Variants in PHC2 observed in about 807,000 individuals in gnomAD.
PHC2 encodes polyhomeotic-like protein 2.
PHC2 carries 29 observed loss-of-function variants against 87.4 expected under a neutral mutation model. That is an observed-to-expected ratio of 0.33 (90% CI 0.25 to 0.45). The LOEUF is 0.45. Ranked by LOEUF, PHC2 falls within the 20% of genes least tolerant of loss-of-function variation. PHC2 has a pLI of 1.00. For synonymous variants in PHC2, 438 were observed against 461.7 expected (o/e 0.95, Z 0.66); for missense variants, 857 against 1,136.7 (o/e 0.75, Z 3.54).
intron 1 of PHC2, among the ~76,000 whole-genome samples, chr1:33,416,038 A>G (rs1184325832): frequency 6.6e-6 from 1 of 152,188 alleles, no homozygotes; most frequent in Non-Finnish European, 1.5e-5. Context: ...GCAATCTAAT[A>G]TTCATGAAAT....
intron 1 of PHC2, among the ~76,000 whole-genome samples, chr1:33,390,670 A>G (rs1204581075): frequency 6.9e-6 from 1 of 144,582 alleles, no homozygotes; most frequent in Admixed American, 6.9e-5. Context: ...GCACATAAAT[A>G]TAACAGGAGT....
chr1:33,425,431 C>A (rs1260748453), intron 1 of PHC2, among the ~76,000 whole-genome samples: 1 of 152,116 alleles, frequency 6.6e-6, no homozygotes, highest in Non-Finnish European at 1.5e-5. Flanking sequence ...TTTTAACAAC[C>A]ATTTACTGAG....
At chr1:33,387,314 C>A (rs1209542511) in intron 1 of PHC2, among the ~76,000 whole-genome samples, 1 of 152,164 alleles carries the variant, frequency 6.6e-6, no homozygotes, top group Non-Finnish European at 1.5e-5. Flanking sequence ...ATGCTCCCCC[C>A]AGAGCTTCTT....
rs867012853 is a variant in PHC2, at chr1:33,364,414, A to G, written c.976+2702T>C. ...TTCACACACACACACACACACACACACACACACACACGCTCAAGCACGCTC... is the reference window on the plus strand; with the variant it reads ...TTCACACACACACACACACACACACGCACACACACACGCTCAAGCACGCTC... On this transcript the variant is annotated intron_variant, in intron 7 of 14. Coordinates refer to ENST00000683057, the MANE Select transcript of PHC2 (RefSeq NM_001385109.1). The surrounding 1 kb of genome is among the most constrained non-coding windows in gnomAD (Gnocchi z 4.1). 5.7e-5 allele frequency among the ~76,000 whole-genome samples: 6 copies of G among 105,624 alleles called. No homozygotes were observed. The highest frequency in any genetic ancestry group is 3.4e-4 in the South Asian group (1 of 2,968). The allele number at this position is 105,624 out of a possible 152,430, so 69.3% of individuals were successfully genotyped here. A position where few individuals can be genotyped will look rare whatever the true frequency, so the allele number is the denominator to read the frequency against.
Position 33,334,197 on chromosome 1 carries a change from C to T in PHC2, c.1654G>A (p.Ala552Thr). Reference sequence around the variant, plus strand: ...GGTTTATTCTCACCATTCTGGGGGGCAGTGCCGGCGATGCTGGAGGCAGAG... The same window carrying T: ...GGTTTATTCTCACCATTCTGGGGGGTAGTGCCGGCGATGCTGGAGGCAGAG... The part of the protein sequence containing the change: ...GNSASSIAGT[A>T]PQNGENKPPQ... Residue 552 changes from alanine to threonine, a missense_variant, in exon 10 of 15, where the codon GCC (alanine) becomes ACC (threonine). This residue lies in a region of PHC2 where 832 missense variants were observed against 1,081.8 expected (regional missense o/e 0.77). Transcript: ENST00000683057. This position sits in a 1 kb window ranked among gnomAD's most constrained non-coding sequence, Gnocchi z 5.5. The T allele has an allele frequency of 6.2e-7, 1 of 1,612,694 alleles. No individual in the cohort carries two copies. The highest frequency in any genetic ancestry group is 8.5e-7 in the Non-Finnish European group (1 of 1,179,628).
intron 7 of PHC2, among the ~76,000 whole-genome samples, chr1:33,360,780 G>T (rs1647181160): frequency 6.6e-6 from 1 of 152,244 alleles, no homozygotes; most frequent in African/African-American, 2.4e-5. Context: ...AGCAAGAGCT[G>T]AGAGTAGTTT....
At chr1:33,381,865 A>T (rs577915145) in intron 1 of PHC2, among the ~76,000 whole-genome samples, 9 of 152,222 alleles carry the variant, frequency 5.9e-5, no homozygotes, top group African/African-American at 2.2e-4. Context: ...GAGAAATCAA[A>T]AATTACCATA....
At chr1:33,325,043 G>T (rs1557813804) in intron 14 of PHC2, 24 bp from the exon 15 acceptor site, 1 of 1,583,894 alleles carries the variant, frequency 6.3e-7, no homozygotes, top group Non-Finnish European at 8.6e-7. Context: ...ACCAAAGACA[G>T]TGTCAATCCA....
intron 1 of PHC2, among the ~76,000 whole-genome samples, chr1:33,385,673 G>T (rs1244865998): frequency 2.0e-5 from 3 of 152,168 alleles, no homozygotes; most frequent in Non-Finnish European, 4.4e-5. Flanking sequence ...GTTAGATTTT[G>T]AGACCGGCTG....
Position 33,415,460 on chromosome 1 carries a change from C to T in PHC2, c.-55+15516G>A, listed in dbSNP as rs190874784. On this transcript the variant is annotated intron_variant, in intron 1 of 14. Transcript: ENST00000683057. ...GTTCTAGACCAACGGCTGCTCTGGA[C>T]CCACCATAATAAAGCTTAGAAGCAA... Among the ~76,000 whole-genome samples the T allele has an allele frequency of 3.3e-5, 5 of 152,200 alleles. No homozygotes were observed. The South Asian group carries it at 6.2e-4, about 19-fold the overall frequency.
At position 33,343,814 on chromosome 1, in the gene PHC2, A is replaced by G. The variant is rs573033008; in HGVS notation, c.1559-9522T>C. Among the ~76,000 whole-genome samples the G allele has an allele frequency of 1.2e-4, 18 of 152,342 alleles. No individual in the cohort carries two copies. The East Asian group carries it at 1.9e-3, about 16-fold the overall frequency. On this transcript the variant is annotated intron_variant, in intron 9 of 14. Coordinates refer to ENST00000683057, the MANE Select transcript of PHC2 (RefSeq NM_001385109.1). ...TTGTGTTCCTCAGACGTCTTGGTCT[A>G]CGTCGGTAGTCCTGTCCTTGCACTG...
intron 1 of PHC2, among the ~76,000 whole-genome samples, chr1:33,418,743 A>G (rs1175451968): frequency 1.3e-5 from 2 of 152,236 alleles, no homozygotes; most frequent in Non-Finnish European, 2.9e-5. Context: ...TCATTTCATG[A>G]GGCCAGAATT....
At chr1:33,330,037 G>A (rs754009417) in intron 13 of PHC2, 34 bp downstream of exon 13, 1 of 1,608,574 alleles carries the variant, frequency 6.2e-7, no homozygotes, top group Non-Finnish European at 8.5e-7. Context: ...TGGGGACTGT[G>A]GGGATGGAGC....
chr1:33,406,169 T>C (rs1260142293), intron 1 of PHC2, among the ~76,000 whole-genome samples: 1 of 152,182 alleles, frequency 6.6e-6, no homozygotes. Flanking sequence ...TTTGAGGTCA[T>C]TTTATTTGAT....
At chr1:33,330,342 T>G in intron 12 of PHC2, 130 bp from the exon 13 acceptor site, 2 of 912,480 alleles carry the variant, frequency 2.2e-6, no homozygotes, top group East Asian at 4.9e-5. Context: ...ACTCCATCAC[T>G]AACTACTAGC....
chr1:33,387,310 C>T (rs181178677), intron 1 of PHC2, among the ~76,000 whole-genome samples: 1 of 152,242 alleles, frequency 6.6e-6, no homozygotes, highest in African/African-American at 2.4e-5. Flanking sequence ...GAGCATGCTC[C>T]CCCCAGAGCT....
chr1:33,354,982 C>T lies in PHC2; in HGVS notation c.1248G>A (p.Lys416=). The change falls in exon 8 of 15, where the codon AAG becomes AAA. Residue 416 remains lysine (K), a synonymous_variant. Transcript: ENST00000683057. ...GGTGACACTGCTGACTGCCGCCAGG[C>T]TTGTGCAGGTTGGCAGTGGGACACT... ...PLQCPTANLH[K]PGGSQQCHPP... 2 of 1,614,186 alleles carry T rather than the reference C, an allele frequency of 1.2e-6. No individual in the cohort carries two copies. Among genetic ancestry groups the T allele is most frequent in the Middle Eastern group, 1.6e-4 (1 of 6,062 alleles).
chr1:33,343,696 A>T (rs556688167), intron 9 of PHC2, among the ~76,000 whole-genome samples: 53 of 152,294 alleles, frequency 3.5e-4, no homozygotes, highest in African/African-American at 1.2e-3. Context: ...AGATTAGGAA[A>T]TCATTCTAAT....
rs756816335 is a variant in PHC2 at position 33,354,574 on chromosome 1, A to T, written c.1393-8T>A. ...AGGGACACACTGCTGGGGCTGTCAA[A>T]GGACAGGACAGAGAGGGGGGCCTCT... On this transcript the variant is annotated splice_region_variant and splice_polypyrimidine_tract_variant and intron_variant, in intron 8 of 14. Coordinates refer to ENST00000683057, the MANE Select transcript of PHC2 (RefSeq NM_001385109.1). 6.2e-7 allele frequency: 1 copy of T among 1,610,736 alleles called. No individual in the cohort carries two copies. The highest frequency in any genetic ancestry group is 1.1e-5 in the South Asian group (1 of 90,568).
Sources: allele counts gnomAD v4.1 joint callset (sites outside exome capture counted in the v4.1 genomes callset), GRCh38; gene constraint gnomAD v4.1.1; regional missense constraint gnomAD v4.1.1; non-coding constraint Gnocchi (gnomAD v3.1); transcripts MANE v1.5; gene names NCBI Gene and HGNC (gene_info 2026-07-23, HGNC 2026-07-21).